SUFU: variants seen among roughly 807,000 people sequenced by gnomAD.
SUFU encodes SUFU negative regulator of hedgehog signaling, also known as suppressor of fused homolog.
In SUFU, 7 loss-of-function variants were observed where a neutral mutation model predicts 58.9. That is an observed-to-expected ratio of 0.12 (90% confidence interval 0.07 to 0.22). The LOEUF (loss-of-function observed/expected upper bound fraction) is 0.22, where lower values mean the gene tolerates loss of function less well. SUFU is among the 10% of genes least tolerant of loss of function. The pLI is 1.00. For missense variants in SUFU, 451 were observed against 641.3 expected (o/e 0.70, Z 3.20); for synonymous variants, 232 against 254.8 (o/e 0.91, Z 0.85).
Position 102,617,320 on chromosome 10 carries a change from A to C in SUFU, c.1188A>C (p.Thr396=), listed in dbSNP as rs1418070936. 6 of 1,614,200 alleles carry C rather than the reference A, an allele frequency of 3.7e-6. No homozygotes were observed. Among genetic ancestry groups the C allele is most frequent in the Admixed American group, 1.7e-5 (1 of 60,032 alleles). ...GGCTCCTGCATGGACGGCACTTTAC[A>C]TATAAAAGTATCACAGGTGACATGG... ...RGRLLHGRHF[T]YKSITGDMAI... The change falls in exon 10 of 12, where the codon ACA becomes ACC. Residue 396 remains threonine (T), a synonymous_variant. Coordinates refer to ENST00000369902, the MANE Select transcript of SUFU (RefSeq NM_016169.4). This position sits in a 1 kb window ranked among gnomAD's most constrained non-coding sequence, Gnocchi z 4.4.
At chr10:102,510,767 G>A (rs2062391205) in intron 2 of SUFU, among the ~76,000 whole-genome samples, 1 of 152,096 alleles carries the variant, frequency 6.6e-6, no homozygotes, top group Admixed American at 6.5e-5. Flanking sequence ...AGGTTGCAGT[G>A]AGCTGAGATC....
chr10:102,587,893 C>T (rs1217025796), intron 3 of SUFU, among the ~76,000 whole-genome samples: 7 of 152,178 alleles, frequency 4.6e-5, no homozygotes. Context: ...AATCCAAGGT[C>T]AAAAGATTTA....
intron 3 of SUFU, among the ~76,000 whole-genome samples, chr10:102,563,481 G>T (rs1331099649): frequency 6.6e-6 from 1 of 152,114 alleles, no homozygotes; most frequent in African/African-American, 2.4e-5. Flanking sequence ...CCTCAATAGA[G>T]TCTTGATTCT....
At chr10:102,538,185 C>T (rs1368458617) in intron 2 of SUFU, among the ~76,000 whole-genome samples, 4 of 152,196 alleles carry the variant, frequency 2.6e-5, no homozygotes, top group African/African-American at 9.6e-5. Context: ...CCTCACCTCT[C>T]AAAGATTAGT....
chr10:102,540,332 A>C (rs1404119607), intron 2 of SUFU, among the ~76,000 whole-genome samples: 4 of 152,148 alleles, frequency 2.6e-5, no homozygotes, highest in Non-Finnish European at 5.9e-5. Flanking sequence ...CCATGAATTC[A>C]TACTGATACC....
rs114639965 is a variant in SUFU at position 102,531,703 on chromosome 10, A to G, written c.318-18267A>G. 5.8e-3 allele frequency among the ~76,000 whole-genome samples: 890 copies of G among 152,292 alleles called. 4 individuals carry two copies. The highest frequency in any genetic ancestry group is 0.018 in the African/African-American group (766 of 41,554). ...TCAAAGTAAGATATTGGAGGAAGGT[A>G]TATTTATAAAGGAATAGCATAGGGG... On this transcript the variant is annotated intron_variant, in intron 2 of 11. Transcript: ENST00000369902.
rs1427789037 is a variant in SUFU at position 102,630,249 on chromosome 10, A to C, written c.*94A>C. On this transcript the variant is annotated 3_prime_UTR_variant, in exon 12 of 12. Transcript: ENST00000369902. ...TGTGTCAACGAGATCTCCACAAATAAAAGGACAAGTGTGAGGAAGACTGCG... is the reference window on the plus strand; with the variant it reads ...TGTGTCAACGAGATCTCCACAAATACAAGGACAAGTGTGAGGAAGACTGCG... 4.0e-5 allele frequency: 45 copies of C among 1,138,832 alleles called. No homozygotes were observed. Among genetic ancestry groups the C allele is most frequent in the Non-Finnish European group, 5.0e-5 (38 of 760,456 alleles). The allele number at this position is 1,138,832 out of a possible 1,614,324, so 70.5% of individuals were successfully genotyped here.
At chr10:102,627,384 GT>G (rs1268257052) in intron 11 of SUFU, 141 bp downstream of exon 11, 1 of 839,200 alleles carries the variant, frequency 1.2e-6, no homozygotes. Flanking sequence ...GGCTGCATCT[GT>G]GGGCTCCTCC....
Position 102,593,506 on chromosome 10 carries a change from A to G in SUFU, c.598-130A>G. 5 of 929,704 alleles carry G rather than the reference A, an allele frequency of 5.4e-6. No individual in the cohort carries two copies. The South Asian group carries it at 6.7e-5, about 12-fold the overall frequency. 57.6% of individuals were successfully genotyped at this position (929,704 alleles called of 1,614,324 possible). A position where few individuals can be genotyped will look rare whatever the true frequency, so the allele number is the denominator to read the frequency against. On this transcript the variant is annotated intron_variant, in intron 4 of 11. Transcript: ENST00000369902. ...AAGGGAATCATCCAATCTTGGCTGCACCAGCTCCTGAGCACAGATCCTGCC... is the reference window on the plus strand; with the variant it reads ...AAGGGAATCATCCAATCTTGGCTGCGCCAGCTCCTGAGCACAGATCCTGCC...
chr10:102,518,495 A>T (rs1288137464), intron 2 of SUFU, among the ~76,000 whole-genome samples: 1 of 141,912 alleles, frequency 7.0e-6, no homozygotes, highest in Non-Finnish European at 1.6e-5. Flanking sequence ...TGTAGAAGCT[A>T]TCTATCTAAC....
intron 2 of SUFU, among the ~76,000 whole-genome samples, chr10:102,527,303 A>G (rs1184642261): frequency 6.6e-6 from 1 of 152,024 alleles, no homozygotes; most frequent in African/African-American, 2.4e-5. Context: ...CGCCCGGCCG[A>G]CATTCAATAA....
At chr10:102,543,680 A>G (rs1007031942) in intron 2 of SUFU, among the ~76,000 whole-genome samples, 2 of 152,200 alleles carry the variant, frequency 1.3e-5, no homozygotes, top group Non-Finnish European at 2.9e-5. Context: ...AATTTATATT[A>G]TATATTACGA....
Position 102,614,939 on chromosome 10 carries a change from C to T in SUFU, c.1023-329C>T, listed in dbSNP as rs76982248. ...TGCAGGCTTTATAGAATCAGACCTG[C>T]CCGAGACTGGATCTCAACTCTGCCC... On this transcript the variant is annotated intron_variant, in intron 8 of 11. Coordinates refer to ENST00000369902, the MANE Select transcript of SUFU (RefSeq NM_016169.4). Among the ~76,000 whole-genome samples, 1,047 of 152,080 alleles carry T rather than the reference C, an allele frequency of 6.9e-3. 45 individuals carry two copies. The East Asian group carries it at 0.07, about 10-fold the overall frequency.
intron 3 of SUFU, among the ~76,000 whole-genome samples, chr10:102,577,466 G>A (rs930926151): frequency 1.3e-5 from 2 of 151,880 alleles, no homozygotes; most frequent in African/African-American, 4.8e-5. Flanking sequence ...TCCCACTTCA[G>A]CCTCTGGGAC....
chr10:102,530,171 C>CAGCGT (rs1367990440), intron 2 of SUFU, among the ~76,000 whole-genome samples: 4 of 152,142 alleles, frequency 2.6e-5, no homozygotes, highest in African/African-American at 9.7e-5. Flanking sequence ...GTTGCTTCCA[C>CAGCGT]AGCGTGTATT....
At chr10:102,540,002 T>A (rs781606808) in intron 2 of SUFU, among the ~76,000 whole-genome samples, 11 of 152,210 alleles carry the variant, frequency 7.2e-5, no homozygotes, top group Admixed American at 2.0e-4. Flanking sequence ...CAGATTGTTG[T>A]TGATTTGGCC....
At chr10:102,580,029 A>C (rs866759406) in intron 3 of SUFU, among the ~76,000 whole-genome samples, 11,221 of 81,502 alleles carry the variant, frequency 0.14, 383 homozygotes, top group Non-Finnish European at 0.15. Context: ...CCTCCCCCGC[A>C]CCCCCCCCCC....
At chr10:102,621,625 C>T (rs992977546) in intron 10 of SUFU, among the ~76,000 whole-genome samples, 12 of 152,320 alleles carry the variant, frequency 7.9e-5, no homozygotes, top group East Asian at 1.9e-4. Flanking sequence ...ACTGCTTCCC[C>T]GTCCCTGCCT....
intron 2 of SUFU, among the ~76,000 whole-genome samples, chr10:102,513,070 AAAAT>A (rs930223530): frequency 1.3e-5 from 2 of 152,168 alleles, no homozygotes; most frequent in African/African-American, 4.8e-5. Context: ...CCTATCTCAA[AAAAT>A]AAATAAAGAA....
Sources: allele counts gnomAD v4.1 joint callset (sites outside exome capture counted in the v4.1 genomes callset), GRCh38; gene constraint gnomAD v4.1.1; non-coding constraint Gnocchi (gnomAD v3.1); transcripts MANE v1.5; gene names NCBI Gene and HGNC (gene_info 2026-07-23, HGNC 2026-07-21).